Variants in UTRN observed in about 807,000 individuals in gnomAD.
UTRN encodes utrophin, also known as dystrophin-related protein 1.
A neutral mutation model predicts 463.9 loss-of-function variants in UTRN; 283 were observed. The observed-to-expected ratio is 0.61, with a 90% CI of 0.55 to 0.67. UTRN has a LOEUF of 0.67. Ranked by LOEUF, UTRN falls within the 30% of genes least tolerant of loss-of-function variation. The probability of loss-of-function intolerance (pLI) is 0.00; values close to 1 mark genes in which losing one functional copy is unlikely to be tolerated. For synonymous variants in UTRN, 1,442 were observed against 1,431.5 expected (o/e 1.01, Z -0.17); for missense variants, 3,922 against 4,084.3 (o/e 0.96, Z 1.08).
intron 2 of UTRN, among the ~76,000 whole-genome samples, chr6:144,397,239 G>A (rs557328688): frequency 3.3e-5 from 5 of 151,054 alleles, no homozygotes; most frequent in South Asian, 4.3e-4. Context: ...AGCGAAACTC[G>A]GTCTTAAAAA....
intron 57 of UTRN, among the ~76,000 whole-genome samples, chr6:144,757,107 A>G (rs1010240497): frequency 6.6e-6 from 1 of 152,046 alleles, no homozygotes; most frequent in Admixed American, 6.6e-5. Flanking sequence ...GAATTTTTAT[A>G]TTTGTTCATT....
rs1562954889 is a variant in UTRN at position 144,824,595 on chromosome 6, TA to T, written c.9495-2752del. Among the ~76,000 whole-genome samples, 58 of 60,152 alleles carry T rather than the reference TA, an allele frequency of 9.6e-4. 1 individual carries two copies. Among genetic ancestry groups the T allele is most frequent in the African/African-American group, 5.0e-3 (54 of 10,868 alleles). The allele number at this position is 60,152 out of a possible 152,430, so 39.5% of individuals were successfully genotyped here. On this transcript the variant is annotated intron_variant, in intron 66 of 74. Coordinates refer to ENST00000367545, the MANE Select transcript of UTRN (RefSeq NM_007124.3). ...ATTTATATATATATATATATATATA[TA>T]TATATATATATATATATCTTTTTTT... is the stretch of plus-strand genomic sequence containing the variant.
At chr6:144,413,443 T>A (rs559707971) in intron 3 of UTRN, among the ~76,000 whole-genome samples, 34 of 152,238 alleles carry the variant, frequency 2.2e-4, no homozygotes, top group Middle Eastern at 3.4e-3. Context: ...AAGTCACGTC[T>A]TGCATGGCGT....
intron 3 of UTRN, among the ~76,000 whole-genome samples, chr6:144,417,324 T>C (rs1230267256): frequency 1.3e-5 from 2 of 152,228 alleles, no homozygotes; most frequent in African/African-American, 4.8e-5. Flanking sequence ...ATAGCACAGA[T>C]GTTGAAAACA....
chr6:144,548,593 A>G, intron 46 of UTRN, 47 bp from the exon 47 acceptor site: 1 of 1,571,784 alleles, frequency 6.4e-7, no homozygotes, highest in South Asian at 1.1e-5. Context: ...ACCATAATTA[A>G]AACATCCTGT....
At chr6:144,641,190 C>T (rs1298344646) in intron 51 of UTRN, among the ~76,000 whole-genome samples, 5 of 152,084 alleles carry the variant, frequency 3.3e-5, no homozygotes, top group Admixed American at 2.0e-4. Flanking sequence ...TGCTTTTATA[C>T]ATTTTAGGGA....
In UTRN at chr6:144,821,292, G is replaced by A. The variant is rs146365887; in HGVS notation, c.9494+274G>A. 4.2e-3 allele frequency among the ~76,000 whole-genome samples: 633 copies of A among 152,024 alleles called. 6 individuals are homozygous for A. The highest frequency in any genetic ancestry group is 0.013 in the African/African-American group (536 of 41,490). Reference sequence around the variant, plus strand: ...TACACACTGGTCATCTCTTTTGTTGGTCATCTCTTTTCTTTTTAAAAACAC... The same window carrying A: ...TACACACTGGTCATCTCTTTTGTTGATCATCTCTTTTCTTTTTAAAAACAC... On this transcript the variant is annotated intron_variant, in intron 66 of 74. Transcript: ENST00000367545.
intron 53 of UTRN, among the ~76,000 whole-genome samples, chr6:144,705,242 A>T (rs1273220539): frequency 6.6e-6 from 1 of 152,160 alleles, no homozygotes; most frequent in Non-Finnish European, 1.5e-5. Flanking sequence ...GCACTGAGCT[A>T]GAATGAGAAT....
intron 51 of UTRN, among the ~76,000 whole-genome samples, chr6:144,622,301 C>T (rs1217043731): frequency 6.7e-6 from 1 of 150,184 alleles, no homozygotes; most frequent in Non-Finnish European, 1.5e-5. Context: ...ATTCTCCTGC[C>T]TCAGCCACCC....
intron 57 of UTRN, 47 bp downstream of exon 57, chr6:144,754,845 C>A: frequency 6.4e-7 from 1 of 1,556,210 alleles, no homozygotes; most frequent in Non-Finnish European, 8.8e-7. Context: ...AATGAATTAG[C>A]ATTTTCTTTC....
intron 51 of UTRN, among the ~76,000 whole-genome samples, chr6:144,640,270 C>T (rs1051429379): frequency 2.0e-5 from 3 of 151,762 alleles, no homozygotes; most frequent in African/African-American, 4.8e-5. Context: ...GTGTCAGATG[C>T]GCAAAGAGAA....
At chr6:144,486,385 A>G (rs1300904498) in intron 28 of UTRN, among the ~76,000 whole-genome samples, 1 of 152,232 alleles carries the variant, frequency 6.6e-6, no homozygotes, top group Admixed American at 6.5e-5. Context: ...AAATATGGAA[A>G]ATAAAGAAAA....
Position 144,442,308 on chromosome 6 carries a change from CA to C in UTRN, c.1512+1838del, listed in dbSNP as rs1361919639. Among the ~76,000 whole-genome samples the C allele has an allele frequency of 2.6e-5, 4 of 152,152 alleles. No individual in the cohort carries two copies. The East Asian group carries it at 7.7e-4, about 29-fold the overall frequency. ...CTTTGCTGCTTAGAAATTTCTTCCA[CA>C]GGTACCCTAAATTTTCCCACATTTT... On this transcript the variant is annotated intron_variant, in intron 13 of 74. Coordinates refer to ENST00000367545, the MANE Select transcript of UTRN (RefSeq NM_007124.3).
intron 65 of UTRN, among the ~76,000 whole-genome samples, chr6:144,808,158 G>T (rs6933210): frequency 0.018 from 2,773 of 152,118 alleles, 80 homozygotes; most frequent in African/African-American, 0.063. Context: ...CAGGCATTTT[G>T]CTAGGAGTTG....
At chr6:144,596,188 T>C (rs1803623310) in intron 51 of UTRN, among the ~76,000 whole-genome samples, 1 of 152,188 alleles carries the variant, frequency 6.6e-6, no homozygotes, top group Non-Finnish European at 1.5e-5. Flanking sequence ...ATAGTTTACT[T>C]ATGCCAAATG....
intron 51 of UTRN, among the ~76,000 whole-genome samples, chr6:144,625,026 T>G (rs959712777): frequency 2.0e-5 from 3 of 152,204 alleles, no homozygotes; most frequent in Non-Finnish European, 4.4e-5. Context: ...CATTTCACTT[T>G]CCACAGCAGT....
At chr6:144,436,524 C>T (rs956872953) in intron 10 of UTRN, among the ~76,000 whole-genome samples, 1 of 152,040 alleles carries the variant, frequency 6.6e-6, no homozygotes, top group Non-Finnish European at 1.5e-5. Flanking sequence ...AAGCAAATGT[C>T]ATACCCAGGG....
Position 144,690,076 on chromosome 6 carries a change from T to A in UTRN, c.7653-10011T>A, listed in dbSNP as rs1021327201. Among the ~76,000 whole-genome samples the A allele has an allele frequency of 6.9e-4, 18 of 26,102 alleles. 1 individual carries two copies. Among genetic ancestry groups the A allele is most frequent in the African/African-American group, 2.4e-3 (14 of 5,894 alleles). 17.1% of individuals were successfully genotyped at this position (26,102 alleles called of 152,430 possible). A position where few individuals can be genotyped will look rare whatever the true frequency, so the allele number is the denominator to read the frequency against. ...CCATAGAGCTCCCAAAAGTTTCTGT[T>A]TTTTTTTTTTTTTTTTTTTTGTGTG... On this transcript the variant is annotated intron_variant, in intron 52 of 74. Transcript: ENST00000367545.
chr6:144,812,577 C>T (rs993214091), intron 65 of UTRN, among the ~76,000 whole-genome samples: 5 of 152,094 alleles, frequency 3.3e-5, no homozygotes, highest in African/African-American at 4.8e-5. Flanking sequence ...TATACAAACT[C>T]AAGCAAAAGA....
Sources: gnomAD v4.1 joint callset for allele counts (sites outside exome capture counted in the v4.1 genomes callset) on GRCh38, gnomAD v4.1.1 for gene constraint, MANE v1.5 for transcripts, NCBI Gene and HGNC (gene_info 2026-07-23, HGNC 2026-07-21) for gene names.